The following CERK variants were observed in gnomAD, a reference collection of about 807,000 sequenced individuals.
CERK encodes the protein ceramide kinase.
In CERK, 39 loss-of-function variants were observed where a neutral mutation model predicts 63.4. The ratio of observed to expected loss-of-function variants is 0.61; its 90% CI spans 0.48 to 0.80. CERK has a LOEUF of 0.80. CERK is among the 30% of genes least tolerant of loss of function. The pLI is 0.00. For synonymous variants in CERK, 302 were observed against 280.0 expected, an observed-to-expected ratio of 1.08 and a Z score of -0.78; for missense variants, 670 against 714.1, an observed-to-expected ratio of 0.94 and a Z score of 0.70.
chr22:46,694,043 C>T (rs975633381), intron 9 of CERK, among the ~76,000 whole-genome samples: 2 of 152,036 alleles, frequency 1.3e-5, no homozygotes, highest in African/African-American at 4.8e-5. Context: ...CATCAGCAGC[C>T]GAGTTCTTTA....
chr22:46,716,084 C>T (rs961350752), intron 3 of CERK, among the ~76,000 whole-genome samples: 2 of 151,756 alleles, frequency 1.3e-5, no homozygotes, highest in Non-Finnish European at 2.9e-5. Flanking sequence ...CAGCTACTTG[C>T]GAGGCTGAGG....
intron 7 of CERK, 77 bp downstream of exon 7, chr22:46,701,559 G>A (rs919335775): frequency 1.8e-5 from 23 of 1,267,428 alleles, no homozygotes; most frequent in Middle Eastern, 2.6e-4. Flanking sequence ...AACACGCGAC[G>A]GGGACCAGAG....
At chr22:46,732,171 C>T (rs987156421) in intron 1 of CERK, among the ~76,000 whole-genome samples, 5 of 152,034 alleles carry the variant, frequency 3.3e-5, no homozygotes, top group Admixed American at 6.6e-5. Flanking sequence ...ACCCAGCAGG[C>T]GGTGAGGGTG....
Position 46,704,564 on chromosome 22 carries a change from C to T in CERK, c.716-2854G>A, listed in dbSNP as rs527456432. On this transcript the variant is annotated intron_variant, in intron 6 of 12. Transcript: ENST00000216264. ...GTGACAGGCCGGGCATGGTGGCTCACGTCTATAATCCCAGCACTTTGGGAG... is the reference window on the plus strand; with the variant it reads ...GTGACAGGCCGGGCATGGTGGCTCATGTCTATAATCCCAGCACTTTGGGAG... Among the ~76,000 whole-genome samples, 7 of 152,190 alleles carry T rather than the reference C, an allele frequency of 4.6e-5. No homozygotes were observed. In the East Asian group the frequency reaches 9.7e-4, roughly 21 times the overall value.
chr22:46,720,941 C>T lies in CERK; in HGVS notation c.217G>A (p.Gly73Arg), dbSNP rs549888470. The T allele has an allele frequency of 1.9e-6, 3 of 1,613,452 alleles. No individual in the cohort carries two copies. In the South Asian group the frequency reaches 3.3e-5, roughly 18 times the overall value. ...TDVHGKHQGS[G>R]KWQKMEKPYA... ...GGCTTTTCCATTTTCTGCCATTTTC[C>T]ACTGCCTTGATGTTTCCCGTGAACG... The change falls in exon 2 of 13, where the codon GGA becomes AGA. Residue 73 changes from glycine (G) to arginine (R), a missense_variant. Gly to Arg is a moderately radical substitution (Grantham distance 125). Transcript: ENST00000216264.
At chr22:46,709,420 C>T (rs114471202) in intron 5 of CERK, among the ~76,000 whole-genome samples, 3 of 152,282 alleles carry the variant, frequency 2.0e-5, no homozygotes, top group African/African-American at 4.8e-5. Context: ...GAGCTGCCAT[C>T]GGGTGGAGTT....
intron 1 of CERK, among the ~76,000 whole-genome samples, chr22:46,736,452 G>T (rs1182230400): frequency 6.6e-6 from 1 of 151,434 alleles, no homozygotes; most frequent in Non-Finnish European, 1.5e-5. Context: ...CCTAGGACGG[G>T]AGCAGCTGCC....
At position 46,690,017 on chromosome 22, in the gene CERK, G is replaced by A. The variant is rs2082721972; in HGVS notation, c.1516C>T (p.Leu506=). 2 of 1,609,438 alleles carry A rather than the reference G, an allele frequency of 1.2e-6. No individual in the cohort carries two copies. Among genetic ancestry groups the A allele is most frequent in the Admixed American group, 1.7e-5 (1 of 59,868 alleles). Residue 506 remains leucine (L), a synonymous_variant, in exon 12 of 13, where the codon CTG becomes TTG. Transcript: ENST00000216264. ...CTGACCTCGATGGCAGGGCTGTGCA[G>A]GACCTCCCCGTCGCAGTTCCAGGAG... The part of the protein sequence containing the change: ...NSSWNCDGEV[L]HSPAIEVRVH...
intron 1 of CERK, among the ~76,000 whole-genome samples, chr22:46,721,234 G>A (rs1265904511): frequency 1.3e-5 from 2 of 151,970 alleles, no homozygotes; most frequent in Non-Finnish European, 2.9e-5. Flanking sequence ...TGGTGACACT[G>A]CACTCCAGCC....
chr22:46,687,386 G>A lies in CERK; in HGVS notation c.1542-180C>T, dbSNP rs141533830. ...TCCATCCCCCATGGAACGGTCAGAC[G>A]TCACCGTGGGCTGTAGGAGTCCAGC... is the stretch of plus-strand genomic sequence containing the variant. On this transcript the variant is annotated intron_variant, in intron 12 of 12. Transcript: ENST00000216264. Among the ~76,000 whole-genome samples the A allele has an allele frequency of 4.8e-3, 730 of 152,256 alleles. 7 individuals are homozygous for A. The highest frequency in any genetic ancestry group is 0.017 in the African/African-American group (694 of 41,558).
chr22:46,707,031 C>T (rs1312813194), intron 6 of CERK, among the ~76,000 whole-genome samples: 1 of 152,098 alleles, frequency 6.6e-6, no homozygotes, highest in Non-Finnish European at 1.5e-5. Context: ...TGCTTTGAGG[C>T]AAGGTGGCCT....
At chr22:46,708,882 G>A (rs944883848) in intron 5 of CERK, among the ~76,000 whole-genome samples, 17 of 152,068 alleles carry the variant, frequency 1.1e-4, no homozygotes, top group African/African-American at 4.1e-4. Context: ...GGTGTGAGTC[G>A]ACTAGGGGGT....
chr22:46,705,720 C>T (rs925245191), intron 6 of CERK, among the ~76,000 whole-genome samples: 4 of 151,198 alleles, frequency 2.6e-5, no homozygotes, highest in Non-Finnish European at 5.9e-5. Flanking sequence ...CTTGAACCAG[C>T]GCCAGCCAGC....
intron 1 of CERK, among the ~76,000 whole-genome samples, chr22:46,722,981 G>A (rs937249605): frequency 1.3e-5 from 2 of 152,192 alleles, no homozygotes; most frequent in African/African-American, 2.4e-5. Flanking sequence ...AGGAAAGGGC[G>A]AGCGGCTGCG....
At chr22:46,696,086 C>G (rs961304016) in intron 8 of CERK, among the ~76,000 whole-genome samples, 1 of 152,194 alleles carries the variant, frequency 6.6e-6, no homozygotes, top group Non-Finnish European at 1.5e-5. Flanking sequence ...ACCTTACCCC[C>G]GACACACAGA....
intron 12 of CERK, among the ~76,000 whole-genome samples, chr22:46,689,459 C>T (rs2082719079): frequency 6.6e-6 from 1 of 152,226 alleles, no homozygotes; most frequent in Non-Finnish European, 1.5e-5. Flanking sequence ...CAACTTCTGC[C>T]TCCTGGGTTC....
At position 46,686,419 on chromosome 22, in the gene CERK, C is replaced by A. The variant is rs1300194101; in HGVS notation, c.*715G>T. 6 of 152,358 alleles carry A rather than the reference C, an allele frequency of 3.9e-5. No homozygotes were observed. The highest frequency in any genetic ancestry group is 3.9e-4 in the Admixed American group (6 of 15,298). The allele number at this position is 152,358 out of a possible 1,614,324, so 9.4% of individuals were successfully genotyped here. ...CAGTAACAAACTTGCCAGTGCTTTA[C>A]ACACTGCCAGCTTCCAGAGCTTATC... On this transcript the variant is annotated 3_prime_UTR_variant, in exon 13 of 13. Coordinates refer to ENST00000216264, the MANE Select transcript of CERK (RefSeq NM_022766.6).
At chr22:46,696,701 C>G (rs73471169) in intron 8 of CERK, among the ~76,000 whole-genome samples, 1 of 152,240 alleles carries the variant, frequency 6.6e-6, no homozygotes, top group African/African-American at 2.4e-5. Context: ...AACCCAAACC[C>G]GCTTTCCTGA....
chr22:46,713,411 A>G (rs2082851704), intron 3 of CERK, among the ~76,000 whole-genome samples: 1 of 144,552 alleles, frequency 6.9e-6, no homozygotes, highest in African/African-American at 2.5e-5. Context: ...TGGGAGGCTG[A>G]GGCAGGAGAA....
Sources: gnomAD v4.1 joint callset for allele counts (sites outside exome capture counted in the v4.1 genomes callset) on GRCh38, gnomAD v4.1.1 for gene constraint, MANE v1.5 for transcripts, NCBI Gene and HGNC (gene_info 2026-07-23, HGNC 2026-07-21) for gene names.